Variants in EPB41L4B observed in about 807,000 individuals in gnomAD.
EPB41L4B encodes band 4.1-like protein 4B.
EPB41L4B carries 30 observed loss-of-function variants against 112.5 expected under a neutral mutation model. That is an observed-to-expected ratio of 0.27 (90% confidence interval 0.20 to 0.36). EPB41L4B has a LOEUF of 0.36. Ranked by LOEUF, EPB41L4B falls within the 10% of genes least tolerant of loss-of-function variation. EPB41L4B has a pLI of 1.00. For missense variants in EPB41L4B, 1,024 were observed against 1,133.3 expected (o/e 0.90, Z 1.38); for synonymous variants, 408 against 439.7 (o/e 0.93, Z 0.90).
At chr9:109,258,038 G>T in intron 7 of EPB41L4B, 139 bp downstream of exon 7, 1 of 913,558 alleles carries the variant, frequency 1.1e-6, no homozygotes, top group Non-Finnish European at 1.6e-6. Flanking sequence ...AAACAGGACT[G>T]ACACAAGGAG....
At chr9:109,268,509 T>C in intron 2 of EPB41L4B, 76 bp from the exon 3 acceptor site, 1 of 1,331,258 alleles carries the variant, frequency 7.5e-7, no homozygotes. Context: ...TACCCTCCTC[T>C]AAAAGCCTTA....
rs192662652 is a variant in EPB41L4B, at chr9:109,267,336, C to T, written c.533+137G>A. 38 of 545,218 alleles carry T rather than the reference C, an allele frequency of 7.0e-5. No homozygotes were observed. The East Asian group carries it at 1.1e-3, about 16-fold the overall frequency. The allele number at this position is 545,218 out of a possible 1,614,324, so 33.8% of individuals were successfully genotyped here. The stretch of plus-strand genomic sequence containing the variant: ...GGATTTTTAACGGAACACGGAAGCA[C>T]CGGAAAAGTACTAATAACTCTTGCT... On this transcript the variant is annotated intron_variant, in intron 4 of 25. Transcript: ENST00000374566.
At position 109,294,639 on chromosome 9, in the gene EPB41L4B, T is replaced by G. The variant is rs542330076; in HGVS notation, c.307-14718A>C. On this transcript the variant is annotated intron_variant, in intron 1 of 25. Coordinates refer to ENST00000374566, the MANE Select transcript of EPB41L4B (RefSeq NM_019114.5). ...CGTACCCCCTCAAAAAAAATAATAA[T>G]TGTTCGTTTTGTGGAGTATAATGAT... 2.0e-5 allele frequency among the ~76,000 whole-genome samples: 3 copies of G among 150,972 alleles called. No individual in the cohort carries two copies. In the South Asian group the frequency reaches 6.3e-4, roughly 32 times the overall value.
chr9:109,215,220 A>G (rs528856961), intron 16 of EPB41L4B, among the ~76,000 whole-genome samples: 1 of 152,316 alleles, frequency 6.6e-6, no homozygotes, highest in Admixed American at 6.5e-5. Flanking sequence ...AAGATCAAAG[A>G]GGGAACTCAG....
chr9:109,287,303 A>T (rs1375074768), intron 1 of EPB41L4B, among the ~76,000 whole-genome samples: 1 of 152,154 alleles, frequency 6.6e-6, no homozygotes, highest in Non-Finnish European at 1.5e-5. Context: ...AACTATCCTG[A>T]CCTTCTTAGG....
intron 5 of EPB41L4B, among the ~76,000 whole-genome samples, chr9:109,264,617 T>C (rs1403416937): frequency 6.6e-6 from 1 of 152,250 alleles, no homozygotes; most frequent in African/African-American, 2.4e-5. Flanking sequence ...CAGATGGTGA[T>C]GAATGACACT....
chr9:109,310,085 T>TC (rs1564337464), intron 1 of EPB41L4B, among the ~76,000 whole-genome samples: 4 of 152,168 alleles, frequency 2.6e-5, no homozygotes, highest in African/African-American at 9.7e-5. Context: ...GTGTTTTTTT[T>TC]CCCTAATAGT....
chr9:109,211,911 G>GC (rs932499171), intron 17 of EPB41L4B, among the ~76,000 whole-genome samples: 15 of 150,250 alleles, frequency 1.0e-4, no homozygotes, highest in Admixed American at 1.0e-3. Context: ...AGATGGGGGG[G>GC]GTCTCGCCAT....
intron 4 of EPB41L4B, 37 bp from the exon 5 acceptor site, chr9:109,265,061 C>T: frequency 1.3e-6 from 2 of 1,569,320 alleles, no homozygotes. Context: ...GAGGGTAACT[C>T]TTTCCCAGCT....
chr9:109,289,661 C>T (rs1564323170), intron 1 of EPB41L4B, among the ~76,000 whole-genome samples: 1 of 152,234 alleles, frequency 6.6e-6, no homozygotes, highest in Non-Finnish European at 1.5e-5. Context: ...CCCTTCCAGA[C>T]CCCTCGTCTG....
At chr9:109,178,207 T>A (rs575514138) in intron 24 of EPB41L4B, among the ~76,000 whole-genome samples, 14 of 152,050 alleles carry the variant, frequency 9.2e-5, no homozygotes, top group African/African-American at 3.4e-4. Flanking sequence ...TGAGCCACCA[T>A]GCTTGGCCAT....
chr9:109,280,862 C>T (rs959204711), intron 1 of EPB41L4B, among the ~76,000 whole-genome samples: 2 of 150,468 alleles, frequency 1.3e-5, no homozygotes, highest in African/African-American at 4.9e-5. Context: ...ATTATGGAAA[C>T]TGGTAAAGAA....
chr9:109,290,977 G>A (rs1013067267), intron 1 of EPB41L4B, among the ~76,000 whole-genome samples: 3 of 152,092 alleles, frequency 2.0e-5, no homozygotes, highest in Non-Finnish European at 2.9e-5. Context: ...ACTAGAACAC[G>A]ATGATGCAAA....
chr9:109,313,335 A>C (rs1006409386), intron 1 of EPB41L4B, among the ~76,000 whole-genome samples: 30 of 152,262 alleles, frequency 2.0e-4, no homozygotes, highest in Non-Finnish European at 2.8e-4. Flanking sequence ...AAAATAAACC[A>C]GAAATTAAAA....
chr9:109,320,404 G>A lies in EPB41L4B; in HGVS notation c.43C>T (p.Gln15Ter). 1 of 988,996 alleles carries A rather than the reference G, an allele frequency of 1.0e-6. No individual in the cohort carries two copies. Among genetic ancestry groups the A allele is most frequent in the Non-Finnish European group, 1.2e-6 (1 of 833,948 alleles). 61.3% of individuals were successfully genotyped at this position (988,996 alleles called of 1,614,324 possible). The stretch of plus-strand genomic sequence containing the variant: ...CCCGCCGCGCCCCGCGCGTAGCGCT[G>A]CATGGAGCGGCGGCCAAAGGTCCGG... Reference protein sequence around the residue: ...LRRTFGRRSMQRYARGAAGRG... With the variant: ...LRRTFGRRSM The change falls in exon 1 of 26, where the codon CAG (glutamine) becomes TAG (stop). Residue 15 changes from glutamine to a stop codon, truncating the protein, a stop_gained. Coordinates refer to ENST00000374566, the MANE Select transcript of EPB41L4B (RefSeq NM_019114.5). LOFTEE classifies it high-confidence loss of function.
intron 3 of EPB41L4B, 46 bp downstream of exon 3, chr9:109,268,345 C>T (rs1835482131): frequency 6.4e-7 from 1 of 1,564,362 alleles, no homozygotes; most frequent in Non-Finnish European, 8.7e-7. Context: ...AAGGAGTTTA[C>T]TCTCAGAAAA....
At chr9:109,272,452 CCT>C (rs1246032682) in intron 2 of EPB41L4B, among the ~76,000 whole-genome samples, 1 of 147,176 alleles carries the variant, frequency 6.8e-6, no homozygotes, top group Non-Finnish European at 1.5e-5. Flanking sequence ...ACAATAAGAC[CCT>C]GTGTATATTA....
chr9:109,270,563 C>T (rs1835573156), intron 2 of EPB41L4B, among the ~76,000 whole-genome samples: 1 of 152,234 alleles, frequency 6.6e-6, no homozygotes, highest in Non-Finnish European at 1.5e-5. Flanking sequence ...CCAATATTTA[C>T]TTTCCTACCA....
chr9:109,260,991 C>G (rs1835180088), intron 6 of EPB41L4B, among the ~76,000 whole-genome samples: 1 of 152,158 alleles, frequency 6.6e-6, no homozygotes, highest in Non-Finnish European at 1.5e-5. Context: ...GGATTAATGG[C>G]CTTCCGTCTC....
Sources: gnomAD v4.1 joint callset for allele counts (sites outside exome capture counted in the v4.1 genomes callset) on GRCh38, gnomAD v4.1.1 for gene constraint, MANE v1.5 for transcripts, NCBI Gene and HGNC (gene_info 2026-07-23, HGNC 2026-07-21) for gene names.